Variants in BHLHA15 observed in about 807,000 individuals in gnomAD.
The protein encoded by BHLHA15 is class A basic helix-loop-helix protein 15.
In BHLHA15, 7 loss-of-function variants were observed where a neutral mutation model predicts 10.4. The ratio of observed to expected loss-of-function variants is 0.67; its 90% CI spans 0.38 to 1.26. BHLHA15 has a LOEUF of 1.26. BHLHA15 is among the 50% of genes most tolerant of loss of function. BHLHA15 has a pLI of 0.02. For missense variants in BHLHA15, 289 were observed against 287.4 expected (o/e 1.01, Z -0.04); for synonymous variants, 140 against 131.5 (o/e 1.06, Z -0.44).
intron 1 of BHLHA15, among the ~76,000 whole-genome samples, chr7:98,211,923 C>A (rs980288995): frequency 6.6e-6 from 1 of 152,072 alleles, no homozygotes; most frequent in Non-Finnish European, 1.5e-5. Context: ...GGCAAAGTGT[C>A]AAAGGTCACC....
At position 98,214,915 on chromosome 7, in the gene BHLHA15, C is replaced by T. The variant is rs2116508413; in HGVS notation, c.*2036C>T. ...TCTTCCCCTGAGGCCAGAGGGGACG[C>T]CCCGCGGCCACATCACACAGGATCC... On this transcript the variant is annotated 3_prime_UTR_variant, in exon 2 of 2. Coordinates refer to ENST00000609256, the MANE Select transcript of BHLHA15 (RefSeq NM_177455.4). 6.6e-6 allele frequency: 1 copy of T among 152,508 alleles called. No individual in the cohort carries two copies. The highest frequency in any genetic ancestry group is 2.1e-4 in the South Asian group (1 of 4,832). 9.4% of individuals were successfully genotyped at this position (152,508 alleles called of 1,614,324 possible). A position where few individuals can be genotyped will look rare whatever the true frequency, so the allele number is the denominator to read the frequency against.
chr7:98,213,238 G>C lies in BHLHA15; in HGVS notation c.*359G>C, dbSNP rs1345631827. 6.6e-6 allele frequency among the ~76,000 whole-genome samples: 1 copy of C among 152,216 alleles called. No individual in the cohort carries two copies. Among genetic ancestry groups the C allele is most frequent in the Non-Finnish European group, 1.5e-5 (1 of 68,042 alleles). The stretch of plus-strand genomic sequence containing the variant: ...CTCTTCACCCTGACTTCTGGGCAAG[G>C]GGAGATCCCAGGAAAAGGTTTACCT... On this transcript the variant is annotated 3_prime_UTR_variant, in exon 2 of 2. Transcript: ENST00000609256.
At chr7:98,212,079 T>G (rs1797913792) in intron 1 of BHLHA15, among the ~76,000 whole-genome samples, 177 bp from the exon 2 acceptor site, 2 of 151,902 alleles carry the variant, frequency 1.3e-5, no homozygotes. Context: ...GGCGTGGGTG[T>G]GTGTGGGGTC....
In BHLHA15 at chr7:98,212,729, A is replaced by G; in HGVS notation, c.420A>G (p.Pro140=). Residue 140 remains proline (P), a synonymous_variant, in exon 2 of 2, where the codon CCA becomes CCG. Transcript: ENST00000609256. ...TGACCATGTCCAGCAGCCGCCTCCCAGGCCTGGAGGGGCCGGGCCCCAAGC... is the reference window on the plus strand; with the variant it reads ...TGACCATGTCCAGCAGCCGCCTCCCGGGCCTGGAGGGGCCGGGCCCCAAGC... ...TILTMSSSRL[P]GLEGPGPKLY... The G allele has an allele frequency of 6.4e-7, 1 of 1,559,430 alleles. No homozygotes were observed. Among genetic ancestry groups the G allele is most frequent in the Non-Finnish European group, 8.7e-7 (1 of 1,152,286 alleles).
At position 98,214,411 on chromosome 7, in the gene BHLHA15, C is replaced by T. The variant is rs745363276; in HGVS notation, c.*1532C>T. On this transcript the variant is annotated 3_prime_UTR_variant, in exon 2 of 2. Coordinates refer to ENST00000609256, the MANE Select transcript of BHLHA15 (RefSeq NM_177455.4). ...AGCTCGGGGTGGGGACTCCAGGATGCTGGGTCTGCCCCTTGGGAGGGGCAC... is the reference window on the plus strand; with the variant it reads ...AGCTCGGGGTGGGGACTCCAGGATGTTGGGTCTGCCCCTTGGGAGGGGCAC... Among the ~76,000 whole-genome samples the T allele has an allele frequency of 2.6e-5, 4 of 152,148 alleles. No homozygotes were observed. Among genetic ancestry groups the T allele is most frequent in the Non-Finnish European group, 5.9e-5 (4 of 68,024 alleles).
In BHLHA15 at chr7:98,212,473, AG is replaced by A; in HGVS notation, c.167del (p.Gly56AlafsTer36). The A allele has an allele frequency of 6.4e-7, 1 of 1,553,086 alleles. No homozygotes were observed. The highest frequency in any genetic ancestry group is 8.7e-7 in the Non-Finnish European group (1 of 1,149,130). On this transcript the variant is annotated frameshift_variant, in exon 2 of 2. Coordinates refer to ENST00000609256, the MANE Select transcript of BHLHA15 (RefSeq NM_177455.4). LOFTEE classifies it high-confidence loss of function. The stretch of plus-strand genomic sequence containing the variant: ...CGGGCCGCAGCAAGGGCTCCGGGCG[AG>A]GGCAGGCGCAGGCGGCCAGGACCCT... ...PARAAARAPG[E>X]GRRRRPGPSG...
rs1797931454 is a variant in BHLHA15 at position 98,212,939 on chromosome 7, C to T, written c.*60C>T. On this transcript the variant is annotated 3_prime_UTR_variant, in exon 2 of 2. Transcript: ENST00000609256. The stretch of plus-strand genomic sequence containing the variant: ...GCTGCCTGGCCTGCTCCTCCCAGCC[C>T]CAGTCCCTCCAAGCCACGAGCCCCA... 1 of 1,448,088 alleles carries T rather than the reference C, an allele frequency of 6.9e-7. No individual in the cohort carries two copies. Among genetic ancestry groups the T allele is most frequent in the Non-Finnish European group, 9.2e-7 (1 of 1,092,498 alleles). The allele number at this position is 1,448,088 out of a possible 1,614,324, so 89.7% of individuals were successfully genotyped here.
rs976968597 is a variant in BHLHA15 at position 98,212,373 on chromosome 7, G to A, written c.64G>A (p.Gly22Arg). ...APVQDTEATP[G>R]EGTPDGSLPN... is the part of the protein sequence containing the mutation. Reference sequence around the variant, plus strand: ...GGTGCAGGACACAGAGGCCACCCCCGGGGAGGGGACGCCCGACGGGTCCCT... The same window carrying A: ...GGTGCAGGACACAGAGGCCACCCCCAGGGAGGGGACGCCCGACGGGTCCCT... The change falls in exon 2 of 2, where the codon GGG (glycine) becomes AGG (arginine). Residue 22 changes from glycine to arginine, a missense_variant. Physicochemically the swap from Gly to Arg is moderately radical, Grantham distance 125. Coordinates refer to ENST00000609256, the MANE Select transcript of BHLHA15 (RefSeq NM_177455.4). 1.3e-5 allele frequency: 18 copies of A among 1,436,462 alleles called. No individual in the cohort carries two copies. Among genetic ancestry groups the A allele is most frequent in the East Asian group, 1.2e-4 (4 of 34,782 alleles). The allele number at this position is 1,436,462 out of a possible 1,614,324, so 89.0% of individuals were successfully genotyped here. A position where few individuals can be genotyped will look rare whatever the true frequency, so the allele number is the denominator to read the frequency against.
At chr7:98,211,541 G>T (rs1455275660) in intron 1 of BHLHA15, 43 bp downstream of exon 1, 1 of 151,088 alleles carries the variant, frequency 6.6e-6, no homozygotes, top group Admixed American at 6.6e-5. Context: ...GCGGGGAGGG[G>T]ACCCAGGGGC....
At position 98,213,884 on chromosome 7, in the gene BHLHA15, C is replaced by A. The variant is rs1797945024; in HGVS notation, c.*1005C>A. On this transcript the variant is annotated 3_prime_UTR_variant, in exon 2 of 2. Transcript: ENST00000609256. ...TTGGCAGCCCGTTGGGTCTCTCTGCCTGGTGGAGCCTTGGGGTGGCAGGTA... is the reference window on the plus strand; with the variant it reads ...TTGGCAGCCCGTTGGGTCTCTCTGCATGGTGGAGCCTTGGGGTGGCAGGTA... 6.6e-6 allele frequency among the ~76,000 whole-genome samples: 1 copy of A among 152,226 alleles called. No individual in the cohort carries two copies. The highest frequency in any genetic ancestry group is 1.5e-5 in the Non-Finnish European group (1 of 68,028).
In BHLHA15 at chr7:98,214,994, A is replaced by C. The variant is rs1389564283; in HGVS notation, c.*2115A>C. On this transcript the variant is annotated 3_prime_UTR_variant, in exon 2 of 2. Transcript: ENST00000609256. ...TCCAGTGTTTCGAGGAGGAGAGGGG[A>C]CAGGGGCCAGGTCCACTCCCTTGGC... 1.3e-5 allele frequency: 2 copies of C among 152,362 alleles called. No homozygotes were observed. Among genetic ancestry groups the C allele is most frequent in the Non-Finnish European group, 2.9e-5 (2 of 68,152 alleles). 9.4% of individuals were successfully genotyped at this position (152,362 alleles called of 1,614,324 possible).
chr7:98,212,751 A>C lies in BHLHA15; in HGVS notation c.442A>C (p.Lys148Gln), dbSNP rs1254623476. ...CCCAGGCCTGGAGGGGCCGGGCCCC[A>C]AGCTCTACCAGCACTACCAGCAGCA... ...RLPGLEGPGPKLYQHYQQQQQ... is the reference protein window; with the variant it reads ...RLPGLEGPGPQLYQHYQQQQQ... The change falls in exon 2 of 2, where the codon AAG becomes CAG. Residue 148 changes from lysine to glutamine, a missense_variant. Lys to Gln is a moderately conservative substitution (Grantham distance 53, BLOSUM62 1). Coordinates refer to ENST00000609256, the MANE Select transcript of BHLHA15 (RefSeq NM_177455.4). The C allele has an allele frequency of 6.4e-7, 1 of 1,555,524 alleles. No homozygotes were observed. Among genetic ancestry groups the C allele is most frequent in the Admixed American group, 2.0e-5 (1 of 50,560 alleles).
chr7:98,212,548 G>A lies in BHLHA15; in HGVS notation c.239G>A (p.Ser80Asn). ...RDSSIQRRLE[S>N]NERERQRMHK... The stretch of plus-strand genomic sequence containing the variant: ...AGCAGCATCCAGCGGCGGCTGGAGA[G>A]CAACGAGAGGGAGCGGCAGCGGATG... The change falls in exon 2 of 2, where the codon AGC (serine) becomes AAC (asparagine). Residue 80 changes from serine (S) to asparagine (N), a missense_variant. Coordinates refer to ENST00000609256, the MANE Select transcript of BHLHA15 (RefSeq NM_177455.4). 6.3e-7 allele frequency: 1 copy of A among 1,597,644 alleles called. No individual in the cohort carries two copies. The highest frequency in any genetic ancestry group is 1.1e-5 in the South Asian group (1 of 88,030).
chr7:98,213,649 G>A lies in BHLHA15; in HGVS notation c.*770G>A, dbSNP rs78686461. Among the ~76,000 whole-genome samples, 1,101 of 152,312 alleles carry A rather than the reference G, an allele frequency of 7.2e-3. 16 individuals are homozygous for A. Among genetic ancestry groups the A allele is most frequent in the African/African-American group, 0.025 (1,022 of 41,576 alleles). ...TGGGTGTTCCTGGTGCAGCCCTTCT[G>A]GGCATGGGAGAGAAGCCCCAAGGCC... is the stretch of plus-strand genomic sequence containing the variant. On this transcript the variant is annotated 3_prime_UTR_variant, in exon 2 of 2. Coordinates refer to ENST00000609256, the MANE Select transcript of BHLHA15 (RefSeq NM_177455.4).
At position 98,213,896 on chromosome 7, in the gene BHLHA15, T is replaced by G. The variant is rs1352052414; in HGVS notation, c.*1017T>G. ...TGGGTCTCTCTGCCTGGTGGAGCCTTGGGGTGGCAGGTACGTCCCTTCCCC... is the reference window on the plus strand; with the variant it reads ...TGGGTCTCTCTGCCTGGTGGAGCCTGGGGGTGGCAGGTACGTCCCTTCCCC... On this transcript the variant is annotated 3_prime_UTR_variant, in exon 2 of 2. Transcript: ENST00000609256. Among the ~76,000 whole-genome samples the G allele has an allele frequency of 6.6e-6, 1 of 152,232 alleles. No homozygotes were observed.
In BHLHA15 at chr7:98,212,309, C is replaced by A; in HGVS notation, c.-1C>A. 1 of 1,362,250 alleles carries A rather than the reference C, an allele frequency of 7.3e-7. No homozygotes were observed. Among genetic ancestry groups the A allele is most frequent in the Non-Finnish European group, 9.5e-7 (1 of 1,055,962 alleles). The allele number at this position is 1,362,250 out of a possible 1,614,324, so 84.4% of individuals were successfully genotyped here. ...CCTCCTAGGACAGCCAGTCCAGGGC[C>A]ATGAAGACCAAGAACCGGCCCCCAC... is the stretch of plus-strand genomic sequence containing the variant. On this transcript the variant is annotated 5_prime_UTR_variant, in exon 2 of 2. Transcript: ENST00000609256.
rs1562928950 is a variant in BHLHA15 at position 98,213,334 on chromosome 7, C to A, written c.*455C>A. On this transcript the variant is annotated 3_prime_UTR_variant, in exon 2 of 2. Transcript: ENST00000609256. ...CCTTTGTTATAGGGCTACATGGGGC[C>A]TGGGCTCAGCATCCTCATTTGGGGT... is the stretch of plus-strand genomic sequence containing the variant. 1.3e-5 allele frequency among the ~76,000 whole-genome samples: 2 copies of A among 152,252 alleles called. No homozygotes were observed. Among genetic ancestry groups the A allele is most frequent in the Non-Finnish European group, 2.9e-5 (2 of 68,046 alleles).
chr7:98,211,681 G>C (rs1015008513), intron 1 of BHLHA15, among the ~76,000 whole-genome samples, 183 bp downstream of exon 1: 8 of 152,076 alleles, frequency 5.3e-5, no homozygotes, highest in African/African-American at 1.7e-4. Flanking sequence ...CCAGGCCCTG[G>C]CCATTGCCGA....
rs377018035 is a variant in BHLHA15 at position 98,212,619 on chromosome 7, C to A, written c.310C>A (p.His104Asn). Residue 104 changes from histidine to asparagine, a missense_variant, in exon 2 of 2, where the codon CAC (histidine) becomes AAC (asparagine). His to Asn is a moderately conservative substitution (Grantham distance 68). Coordinates refer to ENST00000609256, the MANE Select transcript of BHLHA15 (RefSeq NM_177455.4). ...AFQALREVIPHVRADKKLSKI... is the reference protein window; with the variant it reads ...AFQALREVIPNVRADKKLSKI... ...CCAGGCCCTGCGTGAAGTCATCCCC[C>A]ACGTGCGCGCGGACAAGAAGCTCTC... is the stretch of plus-strand genomic sequence containing the variant. 3.1e-6 allele frequency: 5 copies of A among 1,606,848 alleles called. No homozygotes were observed. The highest frequency in any genetic ancestry group is 4.2e-6 in the Non-Finnish European group (5 of 1,177,716).
Sources: allele counts gnomAD v4.1 joint callset (sites outside exome capture counted in the v4.1 genomes callset), GRCh38; gene constraint gnomAD v4.1.1; transcripts MANE v1.5; gene names NCBI Gene and HGNC (gene_info 2026-07-23, HGNC 2026-07-21).